Variants in XPNPEP1 observed in about 807,000 individuals in gnomAD.
XPNPEP1 encodes the protein xaa-Pro aminopeptidase 1.
XPNPEP1 carries 39 observed loss-of-function variants against 92.4 expected under a neutral mutation model. The ratio of observed to expected loss-of-function variants is 0.42; its 90% CI spans 0.33 to 0.55. The LOEUF is 0.55. Among genes scored for constraint, XPNPEP1 ranks in the 20% least tolerant of loss-of-function variants. The probability of loss-of-function intolerance (pLI) is 0.08; values close to 1 mark genes in which losing one functional copy is unlikely to be tolerated. For synonymous variants in XPNPEP1, 307 were observed against 299.4 expected (o/e 1.03, Z -0.26); for missense variants, 654 against 856.1 (o/e 0.76, Z 2.95).
chr10:109,878,275 C>T (rs745399618), intron 12 of XPNPEP1: 6 of 542,280 alleles, frequency 1.1e-5, no homozygotes, highest in Non-Finnish European at 2.0e-5. Flanking sequence ...TTTCACTCAA[C>T]TATTGTGCTT....
At chr10:109,869,126 A>T (rs191085837) in intron 19 of XPNPEP1, among the ~76,000 whole-genome samples, 1 of 152,330 alleles carries the variant, frequency 6.6e-6, no homozygotes, top group East Asian at 1.9e-4. Context: ...TGACCCAGCC[A>T]GGCCCATCAG....
At chr10:109,905,101 C>G (rs1026823597) in intron 3 of XPNPEP1, among the ~76,000 whole-genome samples, 2 of 152,108 alleles carry the variant, frequency 1.3e-5, no homozygotes, top group Non-Finnish European at 2.9e-5. Flanking sequence ...GAAATCCTGT[C>G]ATATGTTACA....
intron 14 of XPNPEP1, chr10:109,876,021 T>G: frequency 6.2e-6 from 1 of 161,622 alleles, no homozygotes. Flanking sequence ...CCCAGGCCCC[T>G]GCCTCAGCCT....
intron 1 of XPNPEP1, among the ~76,000 whole-genome samples, chr10:109,922,984 G>C (rs1850633742): frequency 6.6e-6 from 1 of 152,204 alleles, no homozygotes; most frequent in South Asian, 2.1e-4. Context: ...TGTCGAGATT[G>C]TAACTTGAGG....
chr10:109,883,506 C>G (rs1245370651), intron 9 of XPNPEP1, among the ~76,000 whole-genome samples: 1 of 152,184 alleles, frequency 6.6e-6, no homozygotes, highest in African/African-American at 2.4e-5. Flanking sequence ...ACATGCTCAT[C>G]TCCCCAACTC....
chr10:109,922,837 C>T (rs1483725477), intron 1 of XPNPEP1, among the ~76,000 whole-genome samples: 1 of 152,238 alleles, frequency 6.6e-6, no homozygotes, highest in Non-Finnish European at 1.5e-5. Flanking sequence ...GGGCAGGCTA[C>T]TGGGGGGATT....
At chr10:109,876,510 C>A (rs772165743) in intron 14 of XPNPEP1, 1 of 152,206 alleles carries the variant, frequency 6.6e-6, no homozygotes, top group African/African-American at 2.4e-5. Flanking sequence ...TTTAATTATA[C>A]GGAAAATTCT....
intron 3 of XPNPEP1, among the ~76,000 whole-genome samples, chr10:109,899,976 C>T (rs1183171230): frequency 6.6e-6 from 1 of 152,194 alleles, no homozygotes; most frequent in African/African-American, 2.4e-5. Flanking sequence ...AGAGAACAGA[C>T]GATTCCTTGC....
chr10:109,888,444 T>C, intron 6 of XPNPEP1, 59 bp downstream of exon 6: 6 of 1,500,606 alleles, frequency 4.0e-6, no homozygotes, highest in South Asian at 3.7e-5. Flanking sequence ...ATGAGGAGAA[T>C]GGAGGGGAAT....
rs2133601948 is a variant in XPNPEP1 at position 109,923,488 on chromosome 10, C to G, written c.-55G>C. 1.5e-6 allele frequency: 2 copies of G among 1,335,098 alleles called. No homozygotes were observed. The highest frequency in any genetic ancestry group is 3.5e-5 in the East Asian group (1 of 28,222). The allele number at this position is 1,335,098 out of a possible 1,614,324, so 82.7% of individuals were successfully genotyped here. On this transcript the variant is annotated 5_prime_UTR_variant, in exon 1 of 21. Coordinates refer to ENST00000502935, the MANE Select transcript of XPNPEP1 (RefSeq NM_020383.4). ...GGGGAGCGCAGACCAGCTGATCACC[C>G]GCGGAAGGGCCGGCGCGAAGGAGGC...
chr10:109,905,356 C>T (rs943660568), intron 3 of XPNPEP1, among the ~76,000 whole-genome samples: 2 of 152,098 alleles, frequency 1.3e-5, no homozygotes, highest in Non-Finnish European at 2.9e-5. Flanking sequence ...ATTACAGGCA[C>T]GTGCTACCAA....
intron 19 of XPNPEP1, among the ~76,000 whole-genome samples, chr10:109,869,443 GA>G (rs1735056532): frequency 6.6e-6 from 1 of 152,196 alleles, no homozygotes; most frequent in African/African-American, 2.4e-5. Flanking sequence ...CTTTGAGGCT[GA>G]CCCATGGATA....
chr10:109,919,132 G>A (rs957201967), intron 1 of XPNPEP1, among the ~76,000 whole-genome samples: 2 of 152,126 alleles, frequency 1.3e-5, no homozygotes, highest in Non-Finnish European at 2.9e-5. Context: ...AAAGAAAAAA[G>A]AGATACACTG....
intron 9 of XPNPEP1, chr10:109,883,843 A>ACACTT (rs1848242139): frequency 2.1e-6 from 1 of 469,810 alleles, no homozygotes; most frequent in Non-Finnish European, 3.7e-6. Context: ...CGAACTATAG[A>ACACTT]CACTTTCATG....
chr10:109,902,439 CA>C (rs1554881804), intron 3 of XPNPEP1, among the ~76,000 whole-genome samples: 1 of 152,208 alleles, frequency 6.6e-6, no homozygotes, highest in Non-Finnish European at 1.5e-5. Context: ...TAGTAAGTAG[CA>C]AATCTGGCAT....
chr10:109,873,325 G>A (rs1195893759), intron 16 of XPNPEP1, 42 bp downstream of exon 16: 2 of 1,604,136 alleles, frequency 1.2e-6, no homozygotes, highest in Non-Finnish European at 1.7e-6. Flanking sequence ...CTCTTCTTAA[G>A]AAAGCAGAGA....
chr10:109,880,859 C>G lies in XPNPEP1; in HGVS notation c.1114G>C (p.Gly372Arg). The G allele has an allele frequency of 2.5e-6, 4 of 1,614,042 alleles. No individual in the cohort carries two copies. The highest frequency in any genetic ancestry group is 3.4e-6 in the Non-Finnish European group (4 of 1,180,002). Residue 372 changes from glycine (G) to arginine (R), a missense_variant, in exon 11 of 21, where the codon GGC becomes CGC. Coordinates refer to ENST00000502935, the MANE Select transcript of XPNPEP1 (RefSeq NM_020383.4). ...KAVKNSAESE[G>R]MRRAHIKDAV... ...CTACTCACGTGAGCCCGCCTCATGC[C>G]TTCTGACTCAGCTGAATTCTTCACA...
chr10:109,884,191 A>C, intron 8 of XPNPEP1, 43 bp from the exon 9 acceptor site: 2 of 1,596,098 alleles, frequency 1.3e-6, no homozygotes, highest in African/African-American at 1.3e-5. Context: ...CTGACTTAAG[A>C]TGTTAAGGGG....
At chr10:109,877,898 T>C in intron 13 of XPNPEP1, 31 bp from the exon 14 acceptor site, 1 of 1,614,178 alleles carries the variant, frequency 6.2e-7, no homozygotes, top group Non-Finnish European at 8.5e-7. Context: ...GCAGAGTGGC[T>C]TAAAGGTTTT....
Sources: allele counts gnomAD v4.1 joint callset (sites outside exome capture counted in the v4.1 genomes callset), GRCh38; gene constraint gnomAD v4.1.1; transcripts MANE v1.5; gene names NCBI Gene and HGNC (gene_info 2026-07-23, HGNC 2026-07-21).